The following CCDC169 variants were observed in gnomAD, a reference collection of about 807,000 sequenced individuals.
CCDC169 encodes coiled-coil domain-containing protein 169.
In CCDC169, 30 loss-of-function variants were observed where a neutral mutation model predicts 36.0. The observed-to-expected ratio is 0.83, with a 90% CI of 0.62 to 1.13. The LOEUF (loss-of-function observed/expected upper bound fraction) is 1.13. Ranked by LOEUF, CCDC169 falls within the 50% of genes most tolerant of loss-of-function variation. CCDC169 has a pLI of 0.00. For missense variants in CCDC169, 245 were observed against 245.9 expected (o/e 1.00, Z 0.03); for synonymous variants, 85 against 81.5 (o/e 1.04, Z -0.23).
chr13:36,243,754 C>T (rs1287974599), intron 7 of CCDC169, among the ~76,000 whole-genome samples: 1 of 152,136 alleles, frequency 6.6e-6, no homozygotes, highest in Non-Finnish European at 1.5e-5. Context: ...TGCAGTGAGC[C>T]AAGATCGCGC....
chr13:36,247,815 A>G (rs1872684092), intron 7 of CCDC169, among the ~76,000 whole-genome samples: 2 of 152,242 alleles, frequency 1.3e-5, no homozygotes, highest in South Asian at 4.1e-4. Flanking sequence ...TGGTTGATAA[A>G]TCAGCAGCAG....
chr13:36,278,935 A>G (rs1399274336), intron 4 of CCDC169, among the ~76,000 whole-genome samples: 1 of 152,182 alleles, frequency 6.6e-6, no homozygotes, highest in African/African-American at 2.4e-5. Context: ...TTCAATTTCT[A>G]TTATCCTGTT....
At chr13:36,241,147 T>G (rs1480015918) in intron 7 of CCDC169, among the ~76,000 whole-genome samples, 1 of 152,146 alleles carries the variant, frequency 6.6e-6, no homozygotes, top group Non-Finnish European at 1.5e-5. Flanking sequence ...CATATGGGTA[T>G]TTTCTAATGT....
chr13:36,274,538 A>G (rs1876518916), intron 4 of CCDC169: 1 of 152,240 alleles, frequency 6.6e-6, no homozygotes, highest in African/African-American at 2.4e-5. Flanking sequence ...CTGGAAAGAC[A>G]AAGCAACGCC....
intron 4 of CCDC169, among the ~76,000 whole-genome samples, chr13:36,270,650 A>G (rs1875927900): frequency 6.6e-6 from 1 of 152,178 alleles, no homozygotes; most frequent in African/African-American, 2.4e-5. Flanking sequence ...TCGACAAAGC[A>G]TACAAAAACA....
chr13:36,288,314 C>A (rs1239075609), intron 2 of CCDC169, among the ~76,000 whole-genome samples: 18 of 151,932 alleles, frequency 1.2e-4, no homozygotes, highest in African/African-American at 3.1e-4. Flanking sequence ...GTGCCCGACC[C>A]GGAAATAACT....
chr13:36,275,000 C>A (rs1013993938), intron 4 of CCDC169, among the ~76,000 whole-genome samples: 3 of 151,862 alleles, frequency 2.0e-5, no homozygotes, highest in African/African-American at 7.3e-5. Flanking sequence ...TCCCGAGCAG[C>A]TGGGACTACA....
chr13:36,248,429 G>A (rs569734005), intron 7 of CCDC169, among the ~76,000 whole-genome samples, 177 bp downstream of exon 7: 1 of 152,072 alleles, frequency 6.6e-6, no homozygotes, highest in South Asian at 2.1e-4. Context: ...TAAAAAAAAT[G>A]TGTATAAATA....
chr13:36,282,428 G>C (rs764481907), intron 4 of CCDC169: 5 of 985,172 alleles, frequency 5.1e-6, no homozygotes, highest in Non-Finnish European at 6.0e-6. Flanking sequence ...TTAGTAATTG[G>C]ACACTTCTAT....
chr13:36,291,765 C>T lies in CCDC169; in HGVS notation c.163+4013G>A, dbSNP rs141950594. ...TACTATTTCATTGTTAAGTATTATG[C>T]TAGTTTGAGATAAATAGAAGTATTC... On this transcript the variant is annotated intron_variant, in intron 2 of 7. Transcript: ENST00000239859. 3.9e-3 allele frequency among the ~76,000 whole-genome samples: 600 copies of T among 151,950 alleles called. 5 individuals are homozygous for T. The highest frequency in any genetic ancestry group is 0.014 in the African/African-American group (582 of 41,432).
intron 1 of CCDC169, 99 bp downstream of exon 1, chr13:36,297,538 G>T: frequency 8.4e-7 from 1 of 1,184,536 alleles, no homozygotes; most frequent in Non-Finnish European, 1.2e-6. Flanking sequence ...TCACGGCGCC[G>T]GTCTTACAGC....
chr13:36,289,119 A>G (rs1318603575), intron 2 of CCDC169, among the ~76,000 whole-genome samples: 1 of 152,156 alleles, frequency 6.6e-6, no homozygotes, highest in African/African-American at 2.4e-5. Context: ...TTCTTAAGGT[A>G]TTACTTTTCT....
Position 36,243,094 on chromosome 13 carries a change from T to C in CCDC169, c.545+5512A>G, listed in dbSNP as rs150168631. On this transcript the variant is annotated intron_variant, in intron 7 of 7. Transcript: ENST00000239859. ...GAAGAAAAGGCCCATACTTGAGTCATGGATAAATCAGCTTGGTACATGGGA... is the reference window on the plus strand; with the variant it reads ...GAAGAAAAGGCCCATACTTGAGTCACGGATAAATCAGCTTGGTACATGGGA... 2.6e-5 allele frequency among the ~76,000 whole-genome samples: 4 copies of C among 152,322 alleles called. No homozygotes were observed. The East Asian group carries it at 5.8e-4, about 22-fold the overall frequency.
At chr13:36,252,687 C>T (rs1210679586) in intron 6 of CCDC169, among the ~76,000 whole-genome samples, 1 of 152,100 alleles carries the variant, frequency 6.6e-6, no homozygotes, top group Admixed American at 6.5e-5. Flanking sequence ...TTCATTCATT[C>T]AATGACTTCA....
chr13:36,254,064 T>G lies in CCDC169; in HGVS notation c.395A>C (p.Lys132Thr), dbSNP rs775550176. The G allele has an allele frequency of 6.5e-7, 1 of 1,548,128 alleles. No individual in the cohort carries two copies. The highest frequency in any genetic ancestry group is 1.2e-5 in the South Asian group (1 of 83,208). Reference sequence around the variant, plus strand: ...ACAAACCTTTGATTCTTGTTCCAGTTTAAGTGCATAGTATTTCACTTGACT... The same window carrying G: ...ACAAACCTTTGATTCTTGTTCCAGTGTAAGTGCATAGTATTTCACTTGACT... The part of the protein sequence containing the change: ...LESQVKYYAL[K>T]LEQESKAYQK... The change falls in exon 5 of 8, where the codon AAA (lysine) becomes ACA (threonine). Residue 132 changes from lysine (K) to threonine (T), a missense_variant. Physicochemically the swap from Lys to Thr is moderately conservative, Grantham distance 78. Transcript: ENST00000239859.
downstream of CCDC169, chr13:36,227,299 G>A (rs1869940373): frequency 6.4e-7 from 1 of 1,551,432 alleles, no homozygotes; most frequent in Non-Finnish European, 8.7e-7. Flanking sequence ...CTATTCTCTG[G>A]TCCAGCCACA....
chr13:36,274,980 T>G (rs1479643658), intron 4 of CCDC169, among the ~76,000 whole-genome samples: 1 of 150,444 alleles, frequency 6.6e-6, no homozygotes, highest in East Asian at 2.0e-4. Context: ...ACCATTCTCC[T>G]GCCTCAGCCT....
chr13:36,272,934 C>A (rs530053559), intron 4 of CCDC169, among the ~76,000 whole-genome samples: 2 of 152,168 alleles, frequency 1.3e-5, no homozygotes, highest in African/African-American at 2.4e-5. Context: ...CAGTTTTCAG[C>A]TCCTTTCTCA....
chr13:36,275,070 G>A (rs1876607682), intron 4 of CCDC169, among the ~76,000 whole-genome samples: 2 of 151,798 alleles, frequency 1.3e-5, no homozygotes, highest in Admixed American at 1.3e-4. Context: ...GGGTTTCACC[G>A]TGTTAGCCAG....
Sources: allele counts gnomAD v4.1 joint callset (sites outside exome capture counted in the v4.1 genomes callset), GRCh38; gene constraint gnomAD v4.1.1; transcripts MANE v1.5; gene names NCBI Gene and HGNC (gene_info 2026-07-23, HGNC 2026-07-21).